Variants in PRKDC observed in about 807,000 individuals in gnomAD.
The protein encoded by PRKDC is DNA-dependent protein kinase catalytic subunit.
PRKDC carries 82 observed loss-of-function variants against 486.9 expected under a neutral mutation model. The observed-to-expected ratio is 0.17, with a 90% confidence interval of 0.14 to 0.20. PRKDC has a LOEUF of 0.20. Among genes scored for constraint, PRKDC ranks in the 10% least tolerant of loss-of-function variants. PRKDC has a pLI of 1.00. For synonymous variants in PRKDC, 1,895 were observed against 1,837.0 expected (o/e 1.03, Z -0.81); for missense variants, 4,504 against 5,038.2 (o/e 0.89, Z 3.21).
intron 29 of PRKDC, among the ~76,000 whole-genome samples, chr8:47,898,264 C>T (rs1403536341): frequency 6.6e-6 from 1 of 152,198 alleles, no homozygotes; most frequent in Non-Finnish European, 1.5e-5. Context: ...AGATCAAATA[C>T]CTTATACCTT....
At chr8:47,884,910 G>A (rs759812435) in intron 36 of PRKDC, among the ~76,000 whole-genome samples, 1 of 152,160 alleles carries the variant, frequency 6.6e-6, no homozygotes, top group African/African-American at 2.4e-5. Context: ...ACTCAGCATC[G>A]AGGCCACAAG....
Position 47,834,686 on chromosome 8 carries a change from C to CTTCTTTT in PRKDC, c.7952-291_7952-290insAAAAGAA, listed in dbSNP as rs1319694640. The stretch of plus-strand genomic sequence containing the variant: ...ACTGAAAGGTGCTAAGAACCCCTGA[C>CTTCTTTT]TTTTTTTTTTTTTTTTTTTTTTGAG... On this transcript the variant is annotated intron_variant, in intron 58 of 85. Transcript: ENST00000314191. Among the ~76,000 whole-genome samples the CTTCTTTT allele has an allele frequency of 2.0e-4, 19 of 96,750 alleles. 1 individual carries two copies. The highest frequency in any genetic ancestry group is 1.2e-3 in the African/African-American group (17 of 14,640). The allele number at this position is 96,750 out of a possible 152,430, so 63.5% of individuals were successfully genotyped here. A position where few individuals can be genotyped will look rare whatever the true frequency, so the allele number is the denominator to read the frequency against.
chr8:47,873,500 T>C (rs980052910), intron 40 of PRKDC, among the ~76,000 whole-genome samples: 2 of 152,092 alleles, frequency 1.3e-5, no homozygotes, highest in African/African-American at 4.8e-5. Context: ...GCCGAGATCA[T>C]GCCACTGCAC....
rs1278605656 is a variant in PRKDC at position 47,933,164 on chromosome 8, A to C, written c.1632T>G (p.Ile544Met). Reference sequence around the variant, plus strand: ...CAGAGAAAAATGCTTCATCTGCTAAAATAGAATCCTTTAAATAAAGAAAAA... The same window carrying C: ...CAGAGAAAAATGCTTCATCTGCTAACATAGAATCCTTTAAATAAAGAAAAA... The part of the protein sequence containing the change: ...LLSSDQMMDS[I>M]LADEAFFSVN... Residue 544 changes from isoleucine (I) to methionine (M), a missense_variant, in exon 16 of 86, where the codon ATT (isoleucine) becomes ATG (methionine). Coordinates refer to ENST00000314191, the MANE Select transcript of PRKDC (RefSeq NM_006904.7). 1.3e-6 allele frequency: 2 copies of C among 1,513,986 alleles called. No individual in the cohort carries two copies. Among genetic ancestry groups the C allele is most frequent in the African/African-American group, 2.8e-5 (2 of 70,704 alleles). The allele number at this position is 1,513,986 out of a possible 1,614,324, so 93.8% of individuals were successfully genotyped here. A position where few individuals can be genotyped will look rare whatever the true frequency, so the allele number is the denominator to read the frequency against.
At chr8:47,905,671 T>A (rs1028709307) in intron 25 of PRKDC, among the ~76,000 whole-genome samples, 1 of 151,988 alleles carries the variant, frequency 6.6e-6, no homozygotes, top group Non-Finnish European at 1.5e-5. Context: ...GAAAAACAGA[T>A]TTAATCTGTT....
intron 36 of PRKDC, among the ~76,000 whole-genome samples, chr8:47,883,525 G>T (rs938964831): frequency 2.6e-5 from 4 of 152,216 alleles, no homozygotes; most frequent in Admixed American, 2.0e-4. Context: ...CTGCCCTCCG[G>T]AGCCAAGGCC....
chr8:47,831,998 C>G, intron 59 of PRKDC, 72 bp from the exon 60 acceptor site: 1 of 1,391,730 alleles, frequency 7.2e-7, no homozygotes, highest in South Asian at 1.3e-5. Flanking sequence ...ATTTTCACCT[C>G]GGGTTTCCTC....
intron 68 of PRKDC, among the ~76,000 whole-genome samples, 193 bp from the exon 69 acceptor site, chr8:47,807,519 C>T (rs1031416270): frequency 2.0e-5 from 3 of 151,418 alleles, no homozygotes; most frequent in African/African-American, 4.9e-5. Context: ...CCCGGGTTCA[C>T]GTCATTCTCC....
chr8:47,827,189 C>T (rs375086265), intron 62 of PRKDC, among the ~76,000 whole-genome samples: 8 of 146,436 alleles, frequency 5.5e-5, no homozygotes, highest in African/African-American at 2.0e-4. Context: ...CAATAAAAAA[C>T]GGAGCTAATG....
chr8:47,783,896 A>G, intron 77 of PRKDC, 87 bp from the exon 78 acceptor site: 1 of 1,289,174 alleles, frequency 7.8e-7, no homozygotes, highest in Admixed American at 1.8e-5. Context: ...ACTTTTTAAA[A>G]AGCCAATCTA....
At chr8:47,865,921 C>T (rs1165538610) in intron 40 of PRKDC, among the ~76,000 whole-genome samples, 2 of 151,918 alleles carry the variant, frequency 1.3e-5, no homozygotes, top group East Asian at 1.9e-4. Context: ...TTCGGGAGGC[C>T]GAGGCGGGTG....
In PRKDC at chr8:47,826,783, G is replaced by A; in HGVS notation, c.8656C>T (p.Gln2886Ter). 1 of 1,610,528 alleles carries A rather than the reference G, an allele frequency of 6.2e-7. No individual in the cohort carries two copies. Among genetic ancestry groups the A allele is most frequent in the East Asian group, 2.2e-5 (1 of 44,826 alleles). ...TCTAGCAGGCGGATGCCCACGGGCT[G>A]CTGTAGGCTGGCCAGGCAACCAGCG... ...VSAGCLASLQ[Q>*]PVGIRLLEEA... Residue 2886 changes from glutamine (Q) to a stop codon, truncating the protein, a stop_gained, in exon 63 of 86, where the codon CAG becomes TAG. Transcript: ENST00000314191. LOFTEE classifies it high-confidence loss of function.
At position 47,863,029 on chromosome 8, in the gene PRKDC, G is replaced by A. The variant is rs2088713434; in HGVS notation, c.5750+370C>T. Among the ~76,000 whole-genome samples, 3 of 152,252 alleles carry A rather than the reference G, an allele frequency of 2.0e-5. No homozygotes were observed. In the South Asian group the frequency reaches 6.2e-4, roughly 32 times the overall value. ...TACTTTTGTATTGTTTAGAATGCCT[G>A]TTAAAAAATATTTACTATGCCTTTA... On this transcript the variant is annotated intron_variant, in intron 42 of 85. Transcript: ENST00000314191.
chr8:47,920,981 G>A lies in PRKDC; in HGVS notation c.2420-2598C>T, dbSNP rs571678977. ...GATTATGAAAAATGTGGCTGGGCAC[G>A]GGTGGCTCACGCCTGTAATCCCAGC... On this transcript the variant is annotated intron_variant, in intron 21 of 85. Coordinates refer to ENST00000314191, the MANE Select transcript of PRKDC (RefSeq NM_006904.7). Among the ~76,000 whole-genome samples, 29 of 152,134 alleles carry A rather than the reference G, an allele frequency of 1.9e-4. No individual in the cohort carries two copies. In the South Asian group the frequency reaches 3.1e-3, roughly 16 times the overall value.
chr8:47,826,721 A>G lies in PRKDC; in HGVS notation c.8718T>C (p.Pro2906=). The G allele has an allele frequency of 6.2e-7, 1 of 1,613,386 alleles. No homozygotes were observed. Among genetic ancestry groups the G allele is most frequent in the Non-Finnish European group, 8.5e-7 (1 of 1,179,790 alleles). ...ALLRLLPAEL[P]AKRVRGKARL... is the part of the protein sequence containing the mutation. ...GGGCCTTCCCACGGACTCGCTTGGC[A>G]GGCAGCTCAGCAGGCAGCAGGCGGA... is the stretch of plus-strand genomic sequence containing the variant. Residue 2906 remains proline, a synonymous_variant, in exon 63 of 86, where the codon CCT becomes CCC. Transcript: ENST00000314191.
At chr8:47,890,617 TTAA>T (rs1383154963) in intron 31 of PRKDC, 137 bp from the exon 32 acceptor site, 1 of 576,028 alleles carries the variant, frequency 1.7e-6, no homozygotes, top group East Asian at 2.8e-5. Flanking sequence ...AACAAACAGC[TTAA>T]TAATAGCTGA....
At chr8:47,836,574 A>AT in intron 57 of PRKDC, 47 bp from the exon 58 acceptor site, 1 of 1,477,302 alleles carries the variant, frequency 6.8e-7, no homozygotes, top group East Asian at 2.5e-5. Flanking sequence ...AAATGAAATA[A>AT]TGCTCCTTTT....
chr8:47,806,397 T>A (rs2087216086), intron 69 of PRKDC, among the ~76,000 whole-genome samples: 1 of 152,228 alleles, frequency 6.6e-6, no homozygotes, highest in Non-Finnish European at 1.5e-5. Flanking sequence ...CTGCTCTGCC[T>A]GCCTCTAATT....
In PRKDC at chr8:47,782,807, A is replaced by T. The variant is rs780705193; in HGVS notation, c.11176-209T>A. On this transcript the variant is annotated intron_variant, in intron 78 of 85. Coordinates refer to ENST00000314191, the MANE Select transcript of PRKDC (RefSeq NM_006904.7). The surrounding 1 kb of genome is among the most constrained non-coding windows in gnomAD (Gnocchi z 4.9). The stretch of plus-strand genomic sequence containing the variant: ...AGAAATGTTGTATTCCTGATTATAA[A>T]TACTTGCTTATGAATGTGGATATCT... The T allele has an allele frequency of 1.4e-5, 8 of 591,378 alleles. No homozygotes were observed. The highest frequency in any genetic ancestry group is 6.0e-5 in the Admixed American group (2 of 33,568). 36.6% of individuals were successfully genotyped at this position (591,378 alleles called of 1,614,324 possible).
Sources: allele counts gnomAD v4.1 joint callset (sites outside exome capture counted in the v4.1 genomes callset), GRCh38; gene constraint gnomAD v4.1.1; non-coding constraint Gnocchi (gnomAD v3.1); transcripts MANE v1.5; gene names NCBI Gene and HGNC (gene_info 2026-07-23, HGNC 2026-07-21).